The following C2orf66 variants were observed in gnomAD, a reference collection of about 807,000 sequenced individuals.
The protein encoded by C2orf66 is chromosome 2 open reading frame 66.
A neutral mutation model predicts 7.0 loss-of-function variants in C2orf66; 6 were observed. The observed-to-expected ratio is 0.86, with a 90% CI of 0.47 to 1.69. C2orf66 has a LOEUF of 1.69. Ranked by LOEUF, C2orf66 falls within the 40% of genes most tolerant of loss-of-function variation. The probability of loss-of-function intolerance (pLI) is 0.01; values close to 1 mark genes in which losing one functional copy is unlikely to be tolerated. For synonymous variants in C2orf66, 38 were observed against 43.8 expected (o/e 0.87, Z 0.52); for missense variants, 107 against 112.0 (o/e 0.96, Z 0.20).
At chr2:196,809,513 AT>A (rs1230006287), upstream of C2orf66, 1 of 804,936 alleles carries the variant, frequency 1.2e-6, no homozygotes, top group Non-Finnish European at 1.9e-6. Context: ...TGACTTCTAA[AT>A]GAGGACCCCA....
chr2:196,824,261 G>T, the C2orf66 span, among the ~76,000 whole-genome samples: 6 of 151,722 alleles, frequency 4.0e-5, no homozygotes. Context: ...TCTTTGTAAG[G>T]GTTTTTTTTT....
At chr2:196,824,596 C>T in the C2orf66 span, among the ~76,000 whole-genome samples, 2 of 152,090 alleles carry the variant, frequency 1.3e-5, no homozygotes, top group East Asian at 3.9e-4. Context: ...CTGTAAGGTC[C>T]AGCAACAAGA....
At chr2:196,828,230 T>TCTCTCACACA in the C2orf66 span, among the ~76,000 whole-genome samples, 1 of 125,064 alleles carries the variant, frequency 8.0e-6, no homozygotes, top group African/African-American at 3.0e-5. Context: ...TCTCTCTCTC[T>TCTCTCACACA]CACACACACA....
the C2orf66 span, among the ~76,000 whole-genome samples, chr2:196,822,689 G>T: frequency 6.6e-6 from 1 of 152,088 alleles, no homozygotes; most frequent in East Asian, 1.9e-4. Context: ...AAGTGGAGAC[G>T]GGATGGGGAA....
the C2orf66 span, among the ~76,000 whole-genome samples, chr2:196,829,664 G>A: frequency 0.14 from 20,637 of 151,710 alleles, 2,021 homozygotes; most frequent in African/African-American, 0.28. Flanking sequence ...TTGGGGTGCC[G>A]AGGCGGGCGG....
At chr2:196,823,519 G>T in the C2orf66 span, among the ~76,000 whole-genome samples, 5 of 152,012 alleles carry the variant, frequency 3.3e-5, no homozygotes, top group Non-Finnish European at 7.4e-5. Flanking sequence ...AGTTACTTGG[G>T]GGGGCTGAGG....
At chr2:196,830,589 G>A in the C2orf66 span, among the ~76,000 whole-genome samples, 1 of 152,190 alleles carries the variant, frequency 6.6e-6, no homozygotes, top group South Asian at 2.1e-4. Flanking sequence ...GTTCTTGTAA[G>A]AGGAGCATTT....
In C2orf66 at chr2:196,809,214, CA is replaced by C; in HGVS notation, c.122del (p.Leu41ArgfsTer65). 6.2e-7 allele frequency: 1 copy of C among 1,613,594 alleles called. No homozygotes were observed. Among genetic ancestry groups the C allele is most frequent in the Non-Finnish European group, 8.5e-7 (1 of 1,179,734 alleles). On this transcript the variant is annotated frameshift_variant and splice_region_variant, in exon 1 of 3. Coordinates refer to ENST00000342506, the MANE Select transcript of C2orf66 (RefSeq NM_213608.3). LOFTEE classifies it high-confidence loss of function. ...KPLNNPRNRD[L>X]FFRRLQAYFK... ...ACCCAGGCCCCAAGTGTGTTCTTAC[CA>C]GATCTCTGTTTCTGGGGTTGTTGAG...
the C2orf66 span, among the ~76,000 whole-genome samples, chr2:196,817,456 C>T: frequency 6.6e-6 from 1 of 152,064 alleles, no homozygotes; most frequent in East Asian, 1.9e-4. Flanking sequence ...AGGATGGTCT[C>T]GATCTCCTGA....
upstream of C2orf66, among the ~76,000 whole-genome samples, chr2:196,810,813 G>A (rs1699867206): frequency 3.3e-5 from 5 of 152,252 alleles, no homozygotes; most frequent in South Asian, 8.3e-4. Context: ...TATGTGCCAG[G>A]TACTGCAACA....
intron 1 of C2orf66, 41 bp from the exon 2 acceptor site, chr2:196,807,663 A>C: frequency 6.7e-6 from 10 of 1,502,850 alleles, no homozygotes; most frequent in Non-Finnish European, 8.2e-6. Context: ...GATATAAATG[A>C]AACACCAAAA....
chr2:196,830,473 C>T, the C2orf66 span, among the ~76,000 whole-genome samples: 1 of 152,174 alleles, frequency 6.6e-6, no homozygotes, highest in African/African-American at 2.4e-5. Flanking sequence ...TCATGACAGA[C>T]ATCATTTCAG....
the C2orf66 span, among the ~76,000 whole-genome samples, chr2:196,816,417 T>G: frequency 3.9e-5 from 6 of 152,240 alleles, 1 homozygote; most frequent in Non-Finnish European, 7.3e-5. Flanking sequence ...AAGTATAAAG[T>G]TGACCCTCAG....
At position 196,807,561 on chromosome 2, in the gene C2orf66, T is replaced by C. The variant is rs1287375657; in HGVS notation, c.185A>G (p.Asn62Ser). 1 of 1,613,886 alleles carries C rather than the reference T, an allele frequency of 6.2e-7. No individual in the cohort carries two copies. ...AGGATTTTCATTCGTGGGGAAAGGA[T>C]TTGGAAATGTTCCAAGATCAAGACC... ...GRGLDLGTFPNPFPTNENPRP... is the reference protein window; with the variant it reads ...GRGLDLGTFPSPFPTNENPRP... Residue 62 changes from asparagine (N) to serine (S), a missense_variant, in exon 2 of 3, where the codon AAT becomes AGT. Physicochemically the swap from Asn to Ser is conservative, Grantham distance 46. Transcript: ENST00000342506.
chr2:196,811,547 C>A (rs1699876871), upstream of C2orf66, among the ~76,000 whole-genome samples: 1 of 151,918 alleles, frequency 6.6e-6, no homozygotes, highest in South Asian at 2.1e-4. Flanking sequence ...ATTGCTAGGT[C>A]CGTGGGTTAT....
chr2:196,820,336 G>A, the C2orf66 span, among the ~76,000 whole-genome samples: 4 of 152,160 alleles, frequency 2.6e-5, no homozygotes, highest in African/African-American at 9.7e-5. Context: ...AGAGCCTAAA[G>A]GCCCATACGT....
the C2orf66 span, among the ~76,000 whole-genome samples, chr2:196,823,033 A>AAG: frequency 1.3e-5 from 2 of 151,490 alleles, no homozygotes; most frequent in Admixed American, 1.3e-4. Context: ...AAAAAAAAAA[A>AAG]GACTAACGGG....
chr2:196,827,709 T>C, the C2orf66 span, among the ~76,000 whole-genome samples: 1 of 152,248 alleles, frequency 6.6e-6, no homozygotes, highest in Admixed American at 6.5e-5. Flanking sequence ...GGATTTATTT[T>C]CCTCCAAACT....
chr2:196,809,130 G>A (rs1699846176), intron 1 of C2orf66, 84 bp downstream of exon 1: 14 of 1,386,096 alleles, frequency 1.0e-5, no homozygotes, highest in Middle Eastern at 2.6e-4. Flanking sequence ...TTTCCACTAC[G>A]TTCTGGAAAA....
Sources: gnomAD v4.1 joint callset for allele counts (sites outside exome capture counted in the v4.1 genomes callset) on GRCh38, gnomAD v4.1.1 for gene constraint, MANE v1.5 for transcripts, NCBI Gene and HGNC (gene_info 2026-07-23, HGNC 2026-07-21) for gene names.